Variants in RTF2 observed in about 807,000 individuals in gnomAD.
The protein encoded by RTF2 is replication termination factor 2.
A neutral mutation model predicts 38.0 loss-of-function variants in RTF2; 18 were observed. The observed-to-expected ratio is 0.47, with a 90% CI of 0.33 to 0.70. The LOEUF (loss-of-function observed/expected upper bound fraction) is 0.70, where lower values mean the gene tolerates loss of function less well. RTF2 is among the 30% of genes least tolerant of loss of function. The probability of loss-of-function intolerance (pLI) is 0.02; values close to 1 mark genes in which losing one functional copy is unlikely to be tolerated. For synonymous variants in RTF2, 126 were observed against 137.1 expected, an observed-to-expected ratio of 0.92 and a Z score of 0.57; for missense variants, 311 against 379.6, an observed-to-expected ratio of 0.82 and a Z score of 1.50.
chr20:56,494,929 CAT>C (rs1284770078), intron 5 of RTF2, among the ~76,000 whole-genome samples: 8 of 152,152 alleles, frequency 5.3e-5, no homozygotes, highest in African/African-American at 1.9e-4. Context: ...TGTGTGGAGA[CAT>C]ATGGCAGGGC....
chr20:56,516,909 C>T (rs1985077768), intron 6 of RTF2, 26 bp from the exon 7 acceptor site: 1 of 1,611,438 alleles, frequency 6.2e-7, no homozygotes, highest in East Asian at 2.2e-5. Flanking sequence ...TGAGCACAGC[C>T]TCCAACATTC....
At chr20:56,505,358 C>A (rs1048354813) in intron 5 of RTF2, among the ~76,000 whole-genome samples, 1 of 151,720 alleles carries the variant, frequency 6.6e-6, no homozygotes, top group East Asian at 1.9e-4. Flanking sequence ...TATGGTGGTG[C>A]GCACCTGTAG....
At chr20:56,480,979 G>A (rs867669100) in intron 4 of RTF2, among the ~76,000 whole-genome samples, 15 of 152,172 alleles carry the variant, frequency 9.9e-5, no homozygotes, top group African/African-American at 3.6e-4. Context: ...GAGACATGAC[G>A]TGAGCACATG....
chr20:56,495,531 G>A (rs927710095), intron 5 of RTF2, among the ~76,000 whole-genome samples: 2 of 152,164 alleles, frequency 1.3e-5, no homozygotes, highest in African/African-American at 4.8e-5. Context: ...GTGGACCAAG[G>A]TTGGGGATCC....
At chr20:56,473,509 G>C in intron 2 of RTF2, 114 bp downstream of exon 2, 1 of 704,458 alleles carries the variant, frequency 1.4e-6, no homozygotes, top group South Asian at 1.6e-5. Context: ...AATTTGTGAG[G>C]CATAGGCTGT....
At chr20:56,511,925 C>T (rs555183177) in intron 5 of RTF2, among the ~76,000 whole-genome samples, 6 of 152,240 alleles carry the variant, frequency 3.9e-5, no homozygotes, top group Non-Finnish European at 7.4e-5. Flanking sequence ...CCCTGCCTCT[C>T]GGGTTCAAGC....
chr20:56,477,418 C>T (rs1253892814), intron 4 of RTF2, among the ~76,000 whole-genome samples: 2 of 152,158 alleles, frequency 1.3e-5, no homozygotes, highest in Non-Finnish European at 2.9e-5. Flanking sequence ...CTTATGAAAC[C>T]TGAGTTTAGT....
At chr20:56,486,334 A>T (rs1428214184) in intron 5 of RTF2, among the ~76,000 whole-genome samples, 3 of 152,154 alleles carry the variant, frequency 2.0e-5, no homozygotes, top group Non-Finnish European at 4.4e-5. Flanking sequence ...CTGTTTCTCT[A>T]TATTTAGCCT....
chr20:56,506,573 A>G (rs928697783), intron 5 of RTF2, among the ~76,000 whole-genome samples: 4 of 152,350 alleles, frequency 2.6e-5, no homozygotes, highest in African/African-American at 9.6e-5. Flanking sequence ...AATACTTTAA[A>G]AAAGCATCCA....
At chr20:56,503,585 A>G (rs987826574) in intron 5 of RTF2, among the ~76,000 whole-genome samples, 1 of 152,226 alleles carries the variant, frequency 6.6e-6, no homozygotes, top group African/African-American at 2.4e-5. Flanking sequence ...AGAAAAAGAC[A>G]CCTGCAACAC....
chr20:56,502,091 A>G (rs6014753), intron 5 of RTF2, among the ~76,000 whole-genome samples: 54,186 of 152,054 alleles, frequency 0.36, 10,005 homozygotes, highest in East Asian at 0.64. Context: ...AAAGTTAACC[A>G]TTCAGTTGAC....
chr20:56,480,268 C>T (rs1982466403), intron 4 of RTF2, among the ~76,000 whole-genome samples: 1 of 152,166 alleles, frequency 6.6e-6, no homozygotes, highest in Non-Finnish European at 1.5e-5. Context: ...ATGGAGACGC[C>T]TTCTTTCCCT....
intron 4 of RTF2, among the ~76,000 whole-genome samples, chr20:56,478,444 A>G (rs1245576648): frequency 6.6e-6 from 1 of 152,200 alleles, no homozygotes; most frequent in Admixed American, 6.5e-5. Flanking sequence ...GCAGTGAGGT[A>G]TGATCATGCC....
chr20:56,515,575 CAGAGAGAG>C (rs58977063), intron 6 of RTF2: 29 of 130,310 alleles, frequency 2.2e-4, no homozygotes, highest in Admixed American at 3.2e-4. Context: ...CTGTCTCAGA[CAGAGAGAG>C]AGAGAGAGAG....
intron 4 of RTF2, 28 bp downstream of exon 4, chr20:56,477,152 G>A (rs759454521): frequency 1.2e-6 from 2 of 1,609,972 alleles, no homozygotes; most frequent in South Asian, 1.1e-5. Context: ...GACAGATGAT[G>A]TGGGAGGCTG....
At chr20:56,468,876 C>A in intron 1 of RTF2, 110 bp downstream of exon 1, 1 of 867,446 alleles carries the variant, frequency 1.2e-6, no homozygotes, top group Non-Finnish European at 1.8e-6. Flanking sequence ...GACCTGGCTG[C>A]GGTCTTTTAT....
chr20:56,472,471 C>A, intron 1 of RTF2: 1 of 1,031,278 alleles, frequency 9.7e-7, no homozygotes, highest in Non-Finnish European at 1.5e-6. Context: ...GATTTTCATA[C>A]TGGGGATAAA....
At chr20:56,513,108 C>T (rs1984791460) in intron 5 of RTF2, among the ~76,000 whole-genome samples, 1 of 152,226 alleles carries the variant, frequency 6.6e-6, no homozygotes, top group Admixed American at 6.5e-5. Flanking sequence ...AGGCACCAGC[C>T]TTGCAAGTGA....
chr20:56,501,926 C>T (rs1983953821), intron 5 of RTF2, among the ~76,000 whole-genome samples: 2 of 152,104 alleles, frequency 1.3e-5, no homozygotes, highest in African/African-American at 4.8e-5. Flanking sequence ...AGGCTTTTTT[C>T]GTGCACTGTC....
Sources: gnomAD v4.1 joint callset for allele counts (sites outside exome capture counted in the v4.1 genomes callset) on GRCh38, gnomAD v4.1.1 for gene constraint, MANE v1.5 for transcripts, NCBI Gene and HGNC (gene_info 2026-07-23, HGNC 2026-07-21) for gene names.